TMEM44: variants seen among roughly 807,000 people sequenced by gnomAD.
TMEM44 encodes transmembrane protein 44.
A neutral mutation model predicts 47.8 loss-of-function variants in TMEM44; 43 were observed. That is an observed-to-expected ratio of 0.90 (90% CI 0.70 to 1.16). TMEM44 has a LOEUF of 1.16. Among genes scored for constraint, TMEM44 ranks in the 50% most tolerant of loss-of-function variants. TMEM44 has a pLI of 0.00. For synonymous variants in TMEM44, 277 were observed against 238.8 expected (o/e 1.16, Z -1.48); for missense variants, 568 against 555.2 (o/e 1.02, Z -0.23).
intron 1 of TMEM44, 76 bp from the exon 2 acceptor site, chr3:194,628,585 C>G: frequency 1.3e-6 from 2 of 1,492,342 alleles, no homozygotes; most frequent in Non-Finnish European, 1.8e-6. Context: ...AAAAGGGCAA[C>G]TGTGACCCCG....
At position 194,633,333 on chromosome 3, in the gene TMEM44, G is replaced by T; in HGVS notation, c.-118C>A. ...TCTCTGGGTTCCGTTCCGCCGCGGC[G>T]CCTCCGGCCGAGCGCACCGACCGCG... On this transcript the variant is annotated 5_prime_UTR_variant, in exon 1 of 10. Transcript: ENST00000347147. The T allele has an allele frequency of 2.5e-6, 1 of 403,812 alleles. No individual in the cohort carries two copies. Among genetic ancestry groups the T allele is most frequent in the Non-Finnish European group, 3.4e-6 (1 of 295,824 alleles). 25.0% of individuals were successfully genotyped at this position (403,812 alleles called of 1,614,324 possible).
intron 9 of TMEM44, chr3:194,590,059 A>G (rs907222392): frequency 6.6e-6 from 1 of 152,246 alleles, no homozygotes; most frequent in Non-Finnish European, 1.5e-5. Context: ...AGGCATGGAC[A>G]TGCTCTCCAA....
At chr3:194,607,762 C>A (rs74419814) in intron 8 of TMEM44, among the ~76,000 whole-genome samples, 1 of 152,196 alleles carries the variant, frequency 6.6e-6, no homozygotes, top group Non-Finnish European at 1.5e-5. Context: ...TTACTCAGAG[C>A]CTGGCAAGTC....
chr3:194,591,201 TAAA>T (rs1712648840), intron 9 of TMEM44, among the ~76,000 whole-genome samples: 1 of 148,116 alleles, frequency 6.8e-6, no homozygotes, highest in Non-Finnish European at 1.5e-5. Context: ...TCTCAAGAAA[TAAA>T]TAAATAGGCT....
At position 194,617,208 on chromosome 3, in the gene TMEM44, C is replaced by T. The variant is rs1397128452; in HGVS notation, c.674G>A (p.Gly225Asp). 2.6e-6 allele frequency: 4 copies of T among 1,552,432 alleles called. No individual in the cohort carries two copies. The Admixed American group carries it at 7.9e-5, about 30-fold the overall frequency. The change falls in exon 6 of 10, where the codon GGC becomes GAC. Residue 225 changes from glycine (G) to aspartate (D), a missense_variant. By Grantham distance (94) the Gly-to-Asp change is moderately conservative. Transcript: ENST00000347147. ...LWTRLLSALA[G>D]LLYASAIVAH... is the part of the protein sequence containing the mutation. ...CACAATGGCCGAGGCATAGAGGAGGCCAGCCAGGGCCGACAGGAGCCGGGT... is the reference window on the plus strand; with the variant it reads ...CACAATGGCCGAGGCATAGAGGAGGTCAGCCAGGGCCGACAGGAGCCGGGT...
chr3:194,589,104 A>C (rs1423622630), intron 9 of TMEM44: 1 of 162,682 alleles, frequency 6.1e-6, no homozygotes. Context: ...GACTCAAGCA[A>C]TCCTCCTGCT....
intron 5 of TMEM44, among the ~76,000 whole-genome samples, chr3:194,621,280 C>T (rs900891567): frequency 1.1e-4 from 17 of 152,224 alleles, no homozygotes; most frequent in Non-Finnish European, 2.4e-4. Flanking sequence ...ACAGATCCTT[C>T]CCTGGCGCCT....
At chr3:194,609,057 G>A (rs1715050703) in intron 8 of TMEM44, among the ~76,000 whole-genome samples, 1 of 152,216 alleles carries the variant, frequency 6.6e-6, no homozygotes, top group Non-Finnish European at 1.5e-5. Context: ...TGTGGCCAGG[G>A]AAAGAGGAAT....
At chr3:194,606,667 C>A (rs997891468) in intron 8 of TMEM44, among the ~76,000 whole-genome samples, 1 of 152,134 alleles carries the variant, frequency 6.6e-6, no homozygotes, top group Non-Finnish European at 1.5e-5. Flanking sequence ...AGGCCAGGCA[C>A]GGTGGCTCAC....
chr3:194,608,731 T>C (rs1009290674), intron 8 of TMEM44, among the ~76,000 whole-genome samples: 6 of 152,120 alleles, frequency 3.9e-5, no homozygotes, highest in African/African-American at 1.4e-4. Context: ...AGACGAGAGA[T>C]GGGGTCTCGC....
At chr3:194,619,914 A>G (rs1254829347) in intron 5 of TMEM44, among the ~76,000 whole-genome samples, 5 of 152,114 alleles carry the variant, frequency 3.3e-5, no homozygotes, top group Admixed American at 3.3e-4. Flanking sequence ...GGAGACGACT[A>G]CCTCCTAAGG....
chr3:194,601,849 A>G (rs1284823396), intron 9 of TMEM44, among the ~76,000 whole-genome samples: 1 of 152,242 alleles, frequency 6.6e-6, no homozygotes, highest in Non-Finnish European at 1.5e-5. Flanking sequence ...CAAATCAGCC[A>G]TAAGGACAGA....
At chr3:194,597,785 CAACAGTGA>C (rs1713608655) in intron 9 of TMEM44, among the ~76,000 whole-genome samples, 1 of 152,102 alleles carries the variant, frequency 6.6e-6, no homozygotes, top group African/African-American at 2.4e-5. Flanking sequence ...TAGGTAAAAA[CAACAGTGA>C]AATGGGATAT....
At chr3:194,603,134 C>T (rs873359) in intron 9 of TMEM44, among the ~76,000 whole-genome samples, 2,608 of 152,274 alleles carry the variant, frequency 0.017, 72 homozygotes, top group African/African-American at 0.057. Flanking sequence ...GAAACCTCCT[C>T]GCTGAATGGG....
Position 194,588,585 on chromosome 3 carries a change from C to G in TMEM44, c.1231G>C (p.Gly411Arg), listed in dbSNP as rs752694991. The change falls in exon 10 of 10, where the codon GGA becomes CGA. Residue 411 changes from glycine to arginine, a missense_variant. By Grantham distance (125) the Gly-to-Arg change is moderately radical. Transcript: ENST00000347147. Reference sequence around the variant, plus strand: ...ACAGAGTCCTGGTGCACCTGGGATCCCAGTAGCTCCACATTTTCTTTGCTG... The same window carrying G: ...ACAGAGTCCTGGTGCACCTGGGATCGCAGTAGCTCCACATTTTCTTTGCTG... ...EGSKENVELL[G>R]SQVHQDSVRT... 2.0e-5 allele frequency: 32 copies of G among 1,614,042 alleles called. No individual in the cohort carries two copies. Among genetic ancestry groups the G allele is most frequent in the Non-Finnish European group, 2.5e-5 (30 of 1,180,046 alleles).
At chr3:194,591,343 A>C (rs1712678933) in intron 9 of TMEM44, among the ~76,000 whole-genome samples, 1 of 151,448 alleles carries the variant, frequency 6.6e-6, no homozygotes, top group East Asian at 2.0e-4. Flanking sequence ...AAATACAAAA[A>C]ATTAGCCAGG....
At chr3:194,601,620 G>C (rs1377661484) in intron 9 of TMEM44, among the ~76,000 whole-genome samples, 1 of 151,750 alleles carries the variant, frequency 6.6e-6, no homozygotes, top group Non-Finnish European at 1.5e-5. Flanking sequence ...GCTAATTTTT[G>C]TATTTTTAGT....
rs762583379 is a variant in TMEM44 at position 194,625,903 on chromosome 3, T to G, written c.352A>C (p.Asn118His). The G allele has an allele frequency of 1.9e-6, 3 of 1,612,780 alleles. No individual in the cohort carries two copies. In the South Asian group the frequency reaches 3.3e-5, roughly 18 times the overall value. The change falls in exon 3 of 10, where the codon AAT becomes CAT. Residue 118 changes from asparagine (N) to histidine (H), a missense_variant. By Grantham distance (68) the Asn-to-His change is moderately conservative. Coordinates refer to ENST00000347147, the MANE Select transcript of TMEM44 (RefSeq NM_001011655.3). ...AAGACAGCCACACACTCACCTGAATTAGACTTGAATTTGGATCCACAGACT... is the reference window on the plus strand; with the variant it reads ...AAGACAGCCACACACTCACCTGAATGAGACTTGAATTTGGATCCACAGACT... ...FPVCGSKFKS[N>H]SDREARERKR...
At chr3:194,591,419 C>T (rs187751063) in intron 9 of TMEM44, among the ~76,000 whole-genome samples, 5 of 151,556 alleles carry the variant, frequency 3.3e-5, no homozygotes, top group South Asian at 2.1e-4. Flanking sequence ...GTTTGAACCC[C>T]GGAGGCGGAG....
Sources: allele counts gnomAD v4.1 joint callset (sites outside exome capture counted in the v4.1 genomes callset), GRCh38; gene constraint gnomAD v4.1.1; transcripts MANE v1.5; gene names NCBI Gene and HGNC (gene_info 2026-07-23, HGNC 2026-07-21).